Variants in HCN4 observed in about 807,000 individuals in gnomAD.
The protein encoded by HCN4 is potassium/sodium hyperpolarization-activated cyclic nucleotide-gated channel 4.
In HCN4, 29 loss-of-function variants were observed where a neutral mutation model predicts 76.9. That is an observed-to-expected ratio of 0.38 (90% CI 0.28 to 0.51). HCN4 has a LOEUF of 0.51. Ranked by LOEUF, HCN4 falls within the 20% of genes least tolerant of loss-of-function variation. The pLI is 0.90. For synonymous variants in HCN4, 772 were observed against 762.5 expected, an observed-to-expected ratio of 1.01 and a Z score of -0.21; for missense variants, 1,416 against 1,715.2, an observed-to-expected ratio of 0.83 and a Z score of 3.08.
intron 1 of HCN4, among the ~76,000 whole-genome samples, chr15:73,347,388 C>T (rs1335395768): frequency 1.3e-5 from 2 of 152,118 alleles, no homozygotes; most frequent in African/African-American, 4.8e-5. Context: ...CTTTACATCA[C>T]AGTGGAAAGG....
At position 73,323,908 on chromosome 15, in the gene HCN4, G is replaced by A; in HGVS notation, c.2185C>T (p.Leu729Phe). ...SILLHKVQHDLNSGVFNYQEN... is the reference protein window; with the variant it reads ...SILLHKVQHDFNSGVFNYQEN... Reference sequence around the variant, plus strand: ...TGGTAGTTGAAGACGCCGGAGTTGAGGTCGTGCTGGACTTTGTGGAGGAGG... The same window carrying A: ...TGGTAGTTGAAGACGCCGGAGTTGAAGTCGTGCTGGACTTTGTGGAGGAGG... Residue 729 changes from leucine (L) to phenylalanine (F), a missense_variant, in exon 8 of 8, where the codon CTC (leucine) becomes TTC (phenylalanine). This residue lies in a region of HCN4 where 241 missense variants were observed against 379.4 expected (regional missense o/e 0.64). Coordinates refer to ENST00000261917, the MANE Select transcript of HCN4 (RefSeq NM_005477.3). 2 of 1,603,864 alleles carry A rather than the reference G, an allele frequency of 1.2e-6. No individual in the cohort carries two copies. Among genetic ancestry groups the A allele is most frequent in the Non-Finnish European group, 1.7e-6 (2 of 1,179,946 alleles).
chr15:73,324,334 G>A, intron 6 of HCN4, 81 bp from the exon 7 acceptor site: 1 of 1,490,982 alleles, frequency 6.7e-7, no homozygotes, highest in Admixed American at 1.9e-5. Flanking sequence ...CCTTGGCCCT[G>A]ACTGCCTGGC....
intron 1 of HCN4, among the ~76,000 whole-genome samples, chr15:73,351,892 C>T (rs1314885076): frequency 2.0e-5 from 3 of 152,172 alleles, no homozygotes; most frequent in Non-Finnish European, 4.4e-5. Flanking sequence ...GTGTCCCCAA[C>T]GCATGGTGCT....
chr15:73,364,061 T>G (rs781587330), intron 1 of HCN4, among the ~76,000 whole-genome samples: 1 of 152,096 alleles, frequency 6.6e-6, no homozygotes, highest in Non-Finnish European at 1.5e-5. Context: ...AGCCCAGCTC[T>G]TTCTGCCCCA....
rs931262153 is a variant in HCN4 at position 73,322,185 on chromosome 15, G to A, written c.*296C>T. 11 of 336,736 alleles carry A rather than the reference G, an allele frequency of 3.3e-5. No individual in the cohort carries two copies. Among genetic ancestry groups the A allele is most frequent in the South Asian group, 7.4e-5 (3 of 40,414 alleles). The allele number at this position is 336,736 out of a possible 1,614,324, so 20.9% of individuals were successfully genotyped here. A position where few individuals can be genotyped will look rare whatever the true frequency, so the allele number is the denominator to read the frequency against. On this transcript the variant is annotated 3_prime_UTR_variant, in exon 8 of 8. Coordinates refer to ENST00000261917, the MANE Select transcript of HCN4 (RefSeq NM_005477.3). ...CACTGGCCACTCCCACCCCTGCCCA[G>A]CCCCGGAGACCCCATCTGCCTTTCT...
intron 1 of HCN4, among the ~76,000 whole-genome samples, chr15:73,350,548 C>T (rs1309549124): frequency 6.6e-6 from 1 of 152,192 alleles, no homozygotes; most frequent in Non-Finnish European, 1.5e-5. Flanking sequence ...CTCCTCAAAG[C>T]TCTGAAACCA....
intron 1 of HCN4, among the ~76,000 whole-genome samples, chr15:73,346,551 A>G (rs1224264853): frequency 3.3e-5 from 5 of 152,194 alleles, no homozygotes; most frequent in African/African-American, 1.2e-4. Flanking sequence ...GAAAGCCAGT[A>G]GCAGGAGGTC....
rs545040345 is a variant in HCN4 at position 73,367,638 on chromosome 15, G to A, written c.633C>T (p.Ala211=). ...CCCCGAACTGGCGCTGCATGAAGCC[G>A]GCCTGGCCCAGGCGCACCTCGGCCT... The part of the protein sequence containing the change: ...LPEAEVRLGQ[A]GFMQRQFGAM... The change falls in exon 1 of 8, where the codon GCC becomes GCT. Residue 211 remains alanine, a synonymous_variant. Coordinates refer to ENST00000261917, the MANE Select transcript of HCN4 (RefSeq NM_005477.3). This position sits in a 1 kb window ranked among gnomAD's most constrained non-coding sequence, Gnocchi z 7.5. 3 of 1,611,862 alleles carry A rather than the reference G, an allele frequency of 1.9e-6. No homozygotes were observed. The highest frequency in any genetic ancestry group is 1.1e-5 in the South Asian group (1 of 91,082).
In HCN4 at chr15:73,321,683, G is replaced by C. The variant is rs2042859215; in HGVS notation, c.*798C>G. The stretch of plus-strand genomic sequence containing the variant: ...GGGACTGGCTTTGAGACCAGAGATG[G>C]GGAGAGAGGGGGCCTGCTGCGAAGT... On this transcript the variant is annotated 3_prime_UTR_variant, in exon 8 of 8. Coordinates refer to ENST00000261917, the MANE Select transcript of HCN4 (RefSeq NM_005477.3). 6.5e-6 allele frequency: 1 copy of C among 152,926 alleles called. No individual in the cohort carries two copies. Among genetic ancestry groups the C allele is most frequent in the African/African-American group, 2.4e-5 (1 of 41,434 alleles). The allele number at this position is 152,926 out of a possible 1,614,324, so 9.5% of individuals were successfully genotyped here.
Position 73,343,434 on chromosome 15 carries a change from C to T in HCN4, c.1160G>A (p.Arg387His), listed in dbSNP as rs756293276. 2.5e-6 allele frequency: 4 copies of T among 1,614,128 alleles called. No individual in the cohort carries two copies. Among genetic ancestry groups the T allele is most frequent in the Admixed American group, 1.7e-5 (1 of 60,026 alleles). Residue 387 changes from arginine (R) to histidine (H), a missense_variant, in exon 2 of 8, where the codon CGC (arginine) becomes CAC (histidine). Arg to His is a conservative substitution (Grantham distance 29). Around this residue, in one of 6 missense-constraint regions of HCN4, gnomAD observed 112 missense variants for 259.9 expected, o/e 0.43. Transcript: ENST00000261917. The surrounding 1 kb of genome is among the most constrained non-coding windows in gnomAD (Gnocchi z 5.7). ...AATGAGGCGGGAGAGGCGTAACAGGCGTAAGAGGCTGAGGATCTTCGTGAA... is the reference window on the plus strand; with the variant it reads ...AATGAGGCGGGAGAGGCGTAACAGGTGTAAGAGGCTGAGGATCTTCGTGAA... ...VRFTKILSLL[R>H]LLRLSRLIRY...
chr15:73,367,709 T>C lies in HCN4; in HGVS notation c.562A>G (p.Ile188Val), dbSNP rs762497115. The change falls in exon 1 of 8, where the codon ATC becomes GTC. Residue 188 changes from isoleucine (I) to valine (V), a missense_variant. This residue lies in a region of HCN4 where 355 missense variants were observed against 347.8 expected (regional missense o/e 1.02). Coordinates refer to ENST00000261917, the MANE Select transcript of HCN4 (RefSeq NM_005477.3). This position sits in a 1 kb window ranked among gnomAD's most constrained non-coding sequence, Gnocchi z 7.5. ...SCEQPSVDTAIKVEGGAAAGD... is the reference protein window; with the variant it reads ...SCEQPSVDTAVKVEGGAAAGD... The stretch of plus-strand genomic sequence containing the variant: ...GCAGCCGCGCCTCCCTCCACTTTGA[T>C]AGCGGTGTCCACCGAGGGCTGCTCG... 2 of 1,598,300 alleles carry C rather than the reference T, an allele frequency of 1.3e-6. No homozygotes were observed. Among genetic ancestry groups the C allele is most frequent in the East Asian group, 4.5e-5 (2 of 44,800 alleles).
intron 1 of HCN4, among the ~76,000 whole-genome samples, chr15:73,364,019 C>T (rs1332937083): frequency 6.6e-6 from 1 of 152,120 alleles, no homozygotes; most frequent in African/African-American, 2.4e-5. Flanking sequence ...CTGGGACCTG[C>T]TAGGCCACTG....
chr15:73,346,742 C>T (rs1039077219), intron 1 of HCN4, among the ~76,000 whole-genome samples: 5 of 152,114 alleles, frequency 3.3e-5, no homozygotes, highest in Non-Finnish European at 7.4e-5. Flanking sequence ...AATGGGATCC[C>T]GGTGGCCTAG....
intron 4 of HCN4, among the ~76,000 whole-genome samples, chr15:73,326,429 C>G (rs767137442): frequency 5.9e-5 from 9 of 152,218 alleles, no homozygotes; most frequent in Non-Finnish European, 1.2e-4. Flanking sequence ...CCAAGTTATG[C>G]AAAGTCCCAG....
intron 2 of HCN4, among the ~76,000 whole-genome samples, 188 bp from the exon 3 acceptor site, chr15:73,332,480 T>C (rs1308746393): frequency 6.6e-6 from 1 of 152,182 alleles, no homozygotes; most frequent in African/African-American, 2.4e-5. Flanking sequence ...AGAGGAAGAC[T>C]GTAGGCTGCA....
In HCN4 at chr15:73,321,309, T is replaced by C. The variant is rs561112458; in HGVS notation, c.*1172A>G. The C allele has an allele frequency of 3.9e-5, 6 of 152,306 alleles. No homozygotes were observed. The East Asian group carries it at 1.2e-3, about 29-fold the overall frequency. 9.4% of individuals were successfully genotyped at this position (152,306 alleles called of 1,614,324 possible). On this transcript the variant is annotated 3_prime_UTR_variant, in exon 8 of 8. Coordinates refer to ENST00000261917, the MANE Select transcript of HCN4 (RefSeq NM_005477.3). ...AGCCCCCCTCAACACAGTTTTCTGA[T>C]GGAAGGAACACAGACTTGGGCCTCA...
chr15:73,322,989 G>A lies in HCN4; in HGVS notation c.3104C>T (p.Pro1035Leu). The A allele has an allele frequency of 6.9e-7, 1 of 1,450,298 alleles. No homozygotes were observed. Among genetic ancestry groups the A allele is most frequent in the Non-Finnish European group, 9.1e-7 (1 of 1,101,310 alleles). 89.8% of individuals were successfully genotyped at this position (1,450,298 alleles called of 1,614,324 possible). A position where few individuals can be genotyped will look rare whatever the true frequency, so the allele number is the denominator to read the frequency against. ...LSPPGHSPGPPRTFPSAPPRA... is the reference protein window; with the variant it reads ...LSPPGHSPGPLRTFPSAPPRA... ...GGGCGGGGCACTCGGGAAGGTTCTT[G>A]GGGGGCCTGGGCTGTGGCCAGGGGG... is the stretch of plus-strand genomic sequence containing the variant. Residue 1035 changes from proline to leucine, a missense_variant, in exon 8 of 8, where the codon CCA (proline) becomes CTA (leucine). Physicochemically the swap from Pro to Leu is moderately conservative, Grantham distance 98. Around this residue, in one of 6 missense-constraint regions of HCN4, gnomAD observed 633 missense variants for 579.8 expected, o/e 1.09. Coordinates refer to ENST00000261917, the MANE Select transcript of HCN4 (RefSeq NM_005477.3).
intron 1 of HCN4, among the ~76,000 whole-genome samples, chr15:73,362,452 G>T (rs1249154387): frequency 1.3e-5 from 2 of 152,230 alleles, no homozygotes; most frequent in Non-Finnish European, 2.9e-5. Flanking sequence ...AGCATCTCAG[G>T]CCCCATCCAG....
intron 1 of HCN4, among the ~76,000 whole-genome samples, chr15:73,355,368 G>T (rs975248298): frequency 6.6e-6 from 1 of 152,294 alleles, no homozygotes; most frequent in Middle Eastern, 3.4e-3. Context: ...CTAAAGATAT[G>T]CTGAGTTCCA....
Sources: gnomAD v4.1 joint callset for allele counts (sites outside exome capture counted in the v4.1 genomes callset) on GRCh38, gnomAD v4.1.1 for gene constraint, gnomAD v4.1.1 regional missense constraint, Gnocchi (gnomAD v3.1) non-coding constraint, MANE v1.5 for transcripts, NCBI Gene and HGNC (gene_info 2026-07-23, HGNC 2026-07-21) for gene names.